The following NAV3 variants were observed in gnomAD, a reference collection of about 807,000 sequenced individuals.
NAV3 encodes neuron navigator 3, also known as pore membrane and/or filament interacting like protein 1.
Under a neutral mutation model 244.7 loss-of-function variants are expected in NAV3, and 87 were observed. That is an observed-to-expected ratio of 0.36 (90% CI 0.30 to 0.42). The LOEUF (loss-of-function observed/expected upper bound fraction) is 0.42, where lower values mean the gene tolerates loss of function less well. Among genes scored for constraint, NAV3 ranks in the 20% least tolerant of loss-of-function variants. NAV3 has a pLI of 1.00. For missense variants in NAV3, 2,663 were observed against 2,893.3 expected, an observed-to-expected ratio of 0.92 and a Z score of 1.83; for synonymous variants, 1,126 against 1,042.2, an observed-to-expected ratio of 1.08 and a Z score of -1.55.
rs1323420661 is a variant in NAV3, at chr12:78,119,360, G to A, written c.3164G>A (p.Gly1055Asp). Residue 1055 changes from glycine (G) to aspartate (D), a missense_variant, in exon 15 of 40, where the codon GGC becomes GAC. Transcript: ENST00000397909. ...SGDEGKKPPS[G>D]IGRSTATSSF... ...GATGAAGGGAAAAAGCCCCCCTCAG[G>A]CATTGGAAGATCGACTGCCACCAGC... is the stretch of plus-strand genomic sequence containing the variant. 1.2e-6 allele frequency: 2 copies of A among 1,614,116 alleles called. No individual in the cohort carries two copies.
intron 12 of NAV3, among the ~76,000 whole-genome samples, chr12:78,111,375 T>C (rs1566146901): frequency 6.6e-6 from 1 of 152,014 alleles, no homozygotes; most frequent in Non-Finnish European, 1.5e-5. Flanking sequence ...TGAAATAAAA[T>C]TCACTAAAAT....
At chr12:77,866,763 A>G (rs978189502) in intron 1 of NAV3, among the ~76,000 whole-genome samples, 2 of 152,250 alleles carry the variant, frequency 1.3e-5, no homozygotes, top group African/African-American at 2.4e-5. Flanking sequence ...ATTCAAATGG[A>G]AATAAATCCT....
At chr12:77,964,173 A>G (rs951248655) in intron 3 of NAV3, among the ~76,000 whole-genome samples, 1 of 151,936 alleles carries the variant, frequency 6.6e-6, no homozygotes, top group Non-Finnish European at 1.5e-5. Context: ...TTTATTTTAT[A>G]TGCTGGTTAA....
intron 38 of NAV3, 45 bp downstream of exon 38, chr12:78,200,636 A>G (rs1959559823): frequency 1.6e-6 from 2 of 1,212,920 alleles, no homozygotes; most frequent in Middle Eastern, 3.0e-4. Flanking sequence ...AAAAAAAAAA[A>G]GCAAAAAAAA....
At chr12:78,158,245 C>A (rs452225) in intron 22 of NAV3, among the ~76,000 whole-genome samples, 83,816 of 151,854 alleles carry the variant, frequency 0.55, 23,519 homozygotes, top group East Asian at 0.82. Flanking sequence ...TTATAGACTT[C>A]GTTTGCAAAA....
At chr12:77,886,624 T>C (rs1003296644) in intron 1 of NAV3, among the ~76,000 whole-genome samples, 4 of 152,192 alleles carry the variant, frequency 2.6e-5, no homozygotes, top group Admixed American at 1.3e-4. Context: ...ATTTTTTTCC[T>C]GATATTCTTG....
chr12:78,090,103 A>C (rs540140656), intron 12 of NAV3, among the ~76,000 whole-genome samples: 1 of 151,962 alleles, frequency 6.6e-6, no homozygotes, highest in South Asian at 2.1e-4. Flanking sequence ...TATGCCCTGC[A>C]TCAAGCAATT....
chr12:78,087,852 A>G (rs34916842), intron 12 of NAV3, among the ~76,000 whole-genome samples: 19,202 of 151,882 alleles, frequency 0.13, 1,239 homozygotes, highest in African/African-American at 0.14. Flanking sequence ...ATAGCAAATT[A>G]TAGCAGATTA....
chr12:77,625,387 T>C, intron 2 of NAV3, among the ~76,000 whole-genome samples: 1 of 152,180 alleles, frequency 6.6e-6, no homozygotes, highest in Non-Finnish European at 1.5e-5. Context: ...TGAAAATACT[T>C]TGTGGAAGAA....
At chr12:77,976,470 C>T (rs776421854) in intron 5 of NAV3, among the ~76,000 whole-genome samples, 1 of 151,728 alleles carries the variant, frequency 6.6e-6, no homozygotes, top group Non-Finnish European at 1.5e-5. Context: ...TAGCCTGTAA[C>T]GTAGGAAGAA....
intron 9 of NAV3, among the ~76,000 whole-genome samples, chr12:78,038,417 C>CTT (rs951651209): frequency 6.6e-5 from 10 of 152,168 alleles, no homozygotes; most frequent in Admixed American, 2.6e-4. Context: ...TGCAGGCTTG[C>CTT]TTTTACTCTT....
chr12:78,162,381 AATATAG>A (rs1593853228), intron 23 of NAV3, among the ~76,000 whole-genome samples: 1 of 152,118 alleles, frequency 6.6e-6, no homozygotes. Flanking sequence ...CAGTACAGAC[AATATAG>A]ATATAGAATG....
intron 12 of NAV3, among the ~76,000 whole-genome samples, chr12:78,092,530 C>A (rs1166413311): frequency 8.9e-6 from 1 of 112,990 alleles, no homozygotes; most frequent in Admixed American, 1.3e-4. Context: ...GATGGAGTCT[C>A]GCTCTGTCGC....
chr12:78,111,989 C>T (rs1955116453), intron 12 of NAV3, among the ~76,000 whole-genome samples: 3 of 152,042 alleles, frequency 2.0e-5, no homozygotes, highest in Non-Finnish European at 4.4e-5. Flanking sequence ...AAATAATCTA[C>T]GTTGGCTAAT....
At chr12:77,980,800 T>C (rs1187582615) in intron 5 of NAV3, among the ~76,000 whole-genome samples, 1 of 152,174 alleles carries the variant, frequency 6.6e-6, no homozygotes, top group Non-Finnish European at 1.5e-5. Context: ...GGTGATATTG[T>C]AAAAGAAATA....
chr12:77,866,592 A>C, intron 1 of NAV3, among the ~76,000 whole-genome samples: 1 of 152,248 alleles, frequency 6.6e-6, no homozygotes, highest in East Asian at 1.9e-4. Flanking sequence ...ACAATCACAC[A>C]TGAATTTTAA....
intron 23 of NAV3, among the ~76,000 whole-genome samples, chr12:78,159,749 T>C (rs1200490705): frequency 3.3e-5 from 5 of 152,116 alleles, no homozygotes; most frequent in African/African-American, 1.2e-4. Context: ...ATTTAAAGAT[T>C]TTATCAGTTT....
Position 78,064,426 on chromosome 12 carries a change from T to TCTGTCTGTCTGTCTGC in NAV3, c.2636+5314_2636+5315insTCTGTCTGTCTGCCTG, listed in dbSNP as rs66686266. Among the ~76,000 whole-genome samples, 158 of 136,288 alleles carry TCTGTCTGTCTGTCTGC rather than the reference T, an allele frequency of 1.2e-3. 1 individual carries two copies. The highest frequency in any genetic ancestry group is 8.4e-3 in the South Asian group (32 of 3,810). The allele number at this position is 136,288 out of a possible 152,430, so 89.4% of individuals were successfully genotyped here. On this transcript the variant is annotated intron_variant, in intron 12 of 39. Transcript: ENST00000397909. The stretch of plus-strand genomic sequence containing the variant: ...GTCTGTCTGTCTGTCTGTCTGTCTG[T>TCTGTCTGTCTGTCTGC]CTGCCTGCCTGCCTGCCTGCCTGCC...
intron 2 of NAV3, among the ~76,000 whole-genome samples, chr12:77,762,739 T>C (rs1246630662): frequency 6.6e-6 from 1 of 150,720 alleles, no homozygotes; most frequent in South Asian, 2.1e-4. Context: ...GTTGTTGTTG[T>C]TGTTGTTGTT....
Sources: gnomAD v4.1 joint callset for allele counts (sites outside exome capture counted in the v4.1 genomes callset) on GRCh38, gnomAD v4.1.1 for gene constraint, MANE v1.5 for transcripts, NCBI Gene and HGNC (gene_info 2026-07-23, HGNC 2026-07-21) for gene names.